Variants in ZNF608 observed in about 807,000 individuals in gnomAD.
ZNF608 encodes zinc finger protein 608, also known as renal carcinoma antigen NY-REN-36.
Under a neutral mutation model 109.0 loss-of-function variants are expected in ZNF608, and 12 were observed. The ratio of observed to expected loss-of-function variants is 0.11; its 90% CI spans 0.07 to 0.18. The LOEUF (loss-of-function observed/expected upper bound fraction) is 0.18, where lower values mean the gene tolerates loss of function less well. ZNF608 is among the 10% of genes least tolerant of loss of function. The probability of loss-of-function intolerance (pLI) is 1.00; values close to 1 mark genes in which losing one functional copy is unlikely to be tolerated. For missense variants in ZNF608, 1,707 were observed against 1,879.3 expected, an observed-to-expected ratio of 0.91 and a Z score of 1.70; for synonymous variants, 732 against 717.4, an observed-to-expected ratio of 1.02 and a Z score of -0.33.
intron 3 of ZNF608, among the ~76,000 whole-genome samples, chr5:124,692,860 G>A (rs1228917597): frequency 2.0e-5 from 3 of 152,146 alleles, no homozygotes; most frequent in South Asian, 4.1e-4. Context: ...GACCTGACAA[G>A]CATGCCTAGC....
At chr5:124,700,275 G>T (rs1442777164) in intron 3 of ZNF608, among the ~76,000 whole-genome samples, 2 of 152,182 alleles carry the variant, frequency 1.3e-5, no homozygotes, top group Non-Finnish European at 2.9e-5. Flanking sequence ...CTTCATACCT[G>T]GTGGTCATGT....
intron 2 of ZNF608, among the ~76,000 whole-genome samples, chr5:124,732,203 A>G (rs1270861086): frequency 1.3e-5 from 2 of 152,224 alleles, no homozygotes; most frequent in African/African-American, 4.8e-5. Context: ...TCAGATATTT[A>G]AAAGTTCAAT....
At chr5:124,663,483 T>C (rs1449691898) in intron 3 of ZNF608, among the ~76,000 whole-genome samples, 1 of 152,204 alleles carries the variant, frequency 6.6e-6, no homozygotes, top group African/African-American at 2.4e-5. Flanking sequence ...ATGTGAATGC[T>C]TCAAGTGAGA....
intron 3 of ZNF608, among the ~76,000 whole-genome samples, chr5:124,682,454 A>G (rs1752238066): frequency 6.6e-6 from 1 of 152,264 alleles, no homozygotes; most frequent in Non-Finnish European, 1.5e-5. Flanking sequence ...ATGAGTCAGG[A>G]AATAGTGTAT....
At chr5:124,726,724 G>A (rs59795164) in intron 2 of ZNF608, among the ~76,000 whole-genome samples, 10,480 of 148,778 alleles carry the variant, frequency 0.07, 630 homozygotes, top group African/African-American at 0.16. Context: ...GTTTCTCATC[G>A]CATTCAAGCT....
chr5:124,642,889 G>GTTTTAAAA (rs1750313247), intron 7 of ZNF608, among the ~76,000 whole-genome samples: 4 of 151,822 alleles, frequency 2.6e-5, no homozygotes, highest in Non-Finnish European at 5.9e-5. Context: ...TAGAGACGGA[G>GTTTTAAAA]TTTCACCATA....
At chr5:124,716,858 G>A (rs1012105030) in intron 2 of ZNF608, among the ~76,000 whole-genome samples, 9 of 152,114 alleles carry the variant, frequency 5.9e-5, no homozygotes, top group Admixed American at 1.3e-4. Context: ...CGAGGCAGGC[G>A]AATCACCTGA....
At chr5:124,639,071 C>T (rs548376942) in intron 9 of ZNF608, 62 bp downstream of exon 9, 45 of 1,517,180 alleles carry the variant, frequency 3.0e-5, no homozygotes, top group Non-Finnish European at 4.0e-5. Flanking sequence ...CCTGTACTTG[C>T]TTCCTCCCAA....
chr5:124,712,592 G>A (rs1245327521), intron 2 of ZNF608, among the ~76,000 whole-genome samples: 1 of 152,122 alleles, frequency 6.6e-6, no homozygotes, highest in Admixed American at 6.5e-5. Flanking sequence ...TATGGAGTGG[G>A]GCTCTAAGAG....
intron 2 of ZNF608, among the ~76,000 whole-genome samples, chr5:124,721,306 T>C (rs1580693756): frequency 6.6e-6 from 1 of 152,168 alleles, no homozygotes; most frequent in South Asian, 2.1e-4. Context: ...GTTTTAAGGC[T>C]CTTTTTTCCT....
chr5:124,678,584 T>C (rs777889834), intron 3 of ZNF608, among the ~76,000 whole-genome samples: 5 of 152,218 alleles, frequency 3.3e-5, no homozygotes, highest in South Asian at 2.1e-4. Context: ...ACATCTAGAC[T>C]GGCAGGCAAA....
intron 3 of ZNF608, among the ~76,000 whole-genome samples, chr5:124,686,792 C>T (rs1365144646): frequency 6.6e-6 from 1 of 152,210 alleles, no homozygotes; most frequent in Non-Finnish European, 1.5e-5. Flanking sequence ...AAGACATCCA[C>T]AAGACAGTAT....
chr5:124,726,895 T>C (rs1430263693), intron 2 of ZNF608, among the ~76,000 whole-genome samples: 1 of 152,074 alleles, frequency 6.6e-6, no homozygotes, highest in Non-Finnish European at 1.5e-5. Context: ...CTAGGAAGCA[T>C]CTCCAGACAA....
chr5:124,746,753 C>T (rs1225260167), upstream of ZNF608: 2 of 984,810 alleles, frequency 2.0e-6, no homozygotes, highest in Non-Finnish European at 2.4e-6. Context: ...GGCATTTTTC[C>T]GCCCGTCCTG....
rs377178931 is a variant in ZNF608 at position 124,694,039 on chromosome 5, G to A, written c.1162+6975C>T. ...TGCCCAGGCTAGAGTGCAGTGGCGC[G>A]ATCTCGGCTCACTGCAAGCTCTGCC... On this transcript the variant is annotated intron_variant, in intron 3 of 9. Coordinates refer to ENST00000513986, the MANE Select transcript of ZNF608 (RefSeq NM_020747.3). 6.3e-5 allele frequency among the ~76,000 whole-genome samples: 8 copies of A among 126,080 alleles called. No individual in the cohort carries two copies. In the East Asian group the frequency reaches 1.5e-3, roughly 24 times the overall value. 82.7% of individuals were successfully genotyped at this position (126,080 alleles called of 152,430 possible).
intron 2 of ZNF608, among the ~76,000 whole-genome samples, chr5:124,741,874 C>T (rs868335247): frequency 2.0e-5 from 3 of 152,164 alleles, no homozygotes; most frequent in African/African-American, 7.2e-5. Context: ...CCTGAGCCAA[C>T]GCCCAACTTG....
At chr5:124,650,981 C>G (rs1750747718) in intron 3 of ZNF608, among the ~76,000 whole-genome samples, 1 of 152,160 alleles carries the variant, frequency 6.6e-6, no homozygotes, top group Non-Finnish European at 1.5e-5. Flanking sequence ...TAATGGAGAA[C>G]GATTTCTTTC....
chr5:124,694,576 TTTTTTA>T (rs1752765148), intron 3 of ZNF608, among the ~76,000 whole-genome samples: 1 of 152,020 alleles, frequency 6.6e-6, no homozygotes, highest in Non-Finnish European at 1.5e-5. Flanking sequence ...CACACCTTCT[TTTTTTA>T]TTATTATACT....
intron 3 of ZNF608, among the ~76,000 whole-genome samples, chr5:124,690,707 T>G (rs1752583372): frequency 6.6e-6 from 1 of 151,514 alleles, no homozygotes; most frequent in Non-Finnish European, 1.5e-5. Flanking sequence ...AAAAAAAACC[T>G]TATCCACTGA....
Sources: allele counts gnomAD v4.1 joint callset (sites outside exome capture counted in the v4.1 genomes callset), GRCh38; gene constraint gnomAD v4.1.1; transcripts MANE v1.5; gene names NCBI Gene and HGNC (gene_info 2026-07-23, HGNC 2026-07-21).